Variants in PPP4R3B observed in about 807,000 individuals in gnomAD.
PPP4R3B encodes the protein serine/threonine-protein phosphatase 4 regulatory subunit 3B.
A neutral mutation model predicts 95.4 loss-of-function variants in PPP4R3B; 52 were observed. That is an observed-to-expected ratio of 0.54 (90% CI 0.44 to 0.69). The LOEUF (loss-of-function observed/expected upper bound fraction) is 0.69, where lower values mean the gene tolerates loss of function less well. Among genes scored for constraint, PPP4R3B ranks in the 30% least tolerant of loss-of-function variants. The probability of loss-of-function intolerance (pLI) is 0.00; values close to 1 mark genes in which losing one functional copy is unlikely to be tolerated. For missense variants in PPP4R3B, 1,003 were observed against 1,005.9 expected, an observed-to-expected ratio of 1.00 and a Z score of 0.04; for synonymous variants, 407 against 343.9, an observed-to-expected ratio of 1.18 and a Z score of -2.03.
At chr2:55,591,992 T>G (rs774763029) in intron 4 of PPP4R3B, among the ~76,000 whole-genome samples, 1 of 152,196 alleles carries the variant, frequency 6.6e-6, no homozygotes, top group Non-Finnish European at 1.5e-5. Context: ...AAAACCTATA[T>G]ATTTAAGTCA....
rs933951570 is a variant in PPP4R3B, at chr2:55,549,702, G to C, written c.*209C>G. 1 of 525,032 alleles carries C rather than the reference G, an allele frequency of 1.9e-6. No homozygotes were observed. The highest frequency in any genetic ancestry group is 2.0e-5 in the African/African-American group (1 of 50,244). 32.5% of individuals were successfully genotyped at this position (525,032 alleles called of 1,614,324 possible). A position where few individuals can be genotyped will look rare whatever the true frequency, so the allele number is the denominator to read the frequency against. ...TAATGTTTGTTTTGACAGCCTAAAA[G>C]GCAAACCCCTTAATTACTAGCAAGC... is the stretch of plus-strand genomic sequence containing the variant. On this transcript the variant is annotated 3_prime_UTR_variant, in exon 17 of 17. Coordinates refer to ENST00000616407, the MANE Select transcript of PPP4R3B (RefSeq NM_001122964.3).
intron 3 of PPP4R3B, among the ~76,000 whole-genome samples, chr2:55,600,412 G>C (rs2627780): frequency 0.51 from 59,370 of 117,220 alleles, 15,165 homozygotes; most frequent in Middle Eastern, 0.59. Flanking sequence ...GGCAACGAGA[G>C]TGAAACTCTG....
Position 55,564,318 on chromosome 2 carries a change from T to A in PPP4R3B, c.2255A>T (p.Lys752Ile), listed in dbSNP as rs1166099378. ...PDNYEKFMET[K>I]KAKESEDKEN... Reference sequence around the variant, plus strand: ...AAAATTCCGAATTTTAATACCTTTTTTAGTCTCCATAAACTTTTCATAATT... The same window carrying A: ...AAAATTCCGAATTTTAATACCTTTTATAGTCTCCATAAACTTTTCATAATT... The change falls in exon 15 of 17, where the codon AAA (lysine) becomes ATA (isoleucine). Residue 752 changes from lysine (K) to isoleucine (I), a missense_variant. By Grantham distance (102) the Lys-to-Ile change is moderately radical. Around this residue, in one of 3 missense-constraint regions of PPP4R3B, gnomAD observed 229 missense variants for 194.7 expected, o/e 1.18. Coordinates refer to ENST00000616407, the MANE Select transcript of PPP4R3B (RefSeq NM_001122964.3). 6.2e-7 allele frequency: 1 copy of A among 1,610,692 alleles called. No individual in the cohort carries two copies. The highest frequency in any genetic ancestry group is 1.3e-5 in the African/African-American group (1 of 74,608).
chr2:55,581,546 T>G lies in PPP4R3B; in HGVS notation c.1365+21A>C. 3 of 1,601,192 alleles carry G rather than the reference T, an allele frequency of 1.9e-6. No individual in the cohort carries two copies. In the South Asian group the frequency reaches 3.4e-5, roughly 18 times the overall value. On this transcript the variant is annotated intron_variant, in intron 8 of 16. Coordinates refer to ENST00000616407, the MANE Select transcript of PPP4R3B (RefSeq NM_001122964.3). ...AAAACTGACTAGGCCAAAACATTTT[T>G]ATCTCAGAGTAATTTCTTACATTAG...
At chr2:55,606,578 T>C (rs1693427185) in intron 2 of PPP4R3B, among the ~76,000 whole-genome samples, 1 of 151,878 alleles carries the variant, frequency 6.6e-6, no homozygotes, top group Admixed American at 6.6e-5. Context: ...TCCCAGCACT[T>C]TGGGAGGCCG....
intron 4 of PPP4R3B, among the ~76,000 whole-genome samples, chr2:55,594,968 T>C (rs1691561553): frequency 6.6e-6 from 1 of 151,582 alleles, no homozygotes; most frequent in Non-Finnish European, 1.5e-5. Flanking sequence ...TGAAGTCGAT[T>C]AGCTAGGCAC....
chr2:55,605,499 T>A (rs933007314), intron 2 of PPP4R3B, among the ~76,000 whole-genome samples: 3 of 152,176 alleles, frequency 2.0e-5, no homozygotes, highest in Admixed American at 1.3e-4. Context: ...TTCTGTGTAA[T>A]CAGGTAAAAA....
chr2:55,609,357 C>A (rs533226058), intron 2 of PPP4R3B, among the ~76,000 whole-genome samples: 1 of 152,124 alleles, frequency 6.6e-6, no homozygotes, highest in Non-Finnish European at 1.5e-5. Flanking sequence ...GAAAGTCTCA[C>A]CCTATCTCTA....
intron 2 of PPP4R3B, among the ~76,000 whole-genome samples, chr2:55,607,425 C>T (rs1429786737): frequency 6.6e-6 from 1 of 152,170 alleles, no homozygotes; most frequent in African/African-American, 2.4e-5. Context: ...TGACTCCCTC[C>T]TTGGATTTGA....
At chr2:55,597,993 G>A (rs541010222) in intron 4 of PPP4R3B, among the ~76,000 whole-genome samples, 5 of 152,052 alleles carry the variant, frequency 3.3e-5, no homozygotes, top group South Asian at 4.2e-4. Flanking sequence ...TGAGGCGGGC[G>A]GACTGCCTGA....
chr2:55,595,635 T>G (rs1007738902), intron 4 of PPP4R3B, among the ~76,000 whole-genome samples: 6 of 151,898 alleles, frequency 4.0e-5, no homozygotes, highest in Non-Finnish European at 8.8e-5. Flanking sequence ...CCTTTTACAT[T>G]TTTGCAAATC....
At chr2:55,554,465 CTA>C (rs1276091670) in intron 16 of PPP4R3B, among the ~76,000 whole-genome samples, 3 of 152,326 alleles carry the variant, frequency 2.0e-5, no homozygotes, top group African/African-American at 7.2e-5. Flanking sequence ...ATGTGAAATG[CTA>C]TCATATTGTG....
intron 2 of PPP4R3B, among the ~76,000 whole-genome samples, chr2:55,613,342 A>G (rs578034597): frequency 6.8e-6 from 1 of 147,842 alleles, no homozygotes; most frequent in South Asian, 2.1e-4. Context: ...ATACACCTGA[A>G]TGTTATGTTG....
intron 16 of PPP4R3B, among the ~76,000 whole-genome samples, chr2:55,555,007 G>A (rs1160048524): frequency 6.6e-6 from 1 of 152,122 alleles, no homozygotes; most frequent in Non-Finnish European, 1.5e-5. Flanking sequence ...GTGGCCGGGC[G>A]CGGTGGCTCA....
At chr2:55,608,350 C>A (rs748655884) in intron 2 of PPP4R3B, among the ~76,000 whole-genome samples, 4 of 152,148 alleles carry the variant, frequency 2.6e-5, no homozygotes, top group Non-Finnish European at 5.9e-5. Flanking sequence ...TGTCAAAATA[C>A]CAGAAACTAA....
chr2:55,607,697 G>A (rs182339222), intron 2 of PPP4R3B, among the ~76,000 whole-genome samples: 56 of 152,178 alleles, frequency 3.7e-4, no homozygotes, highest in Admixed American at 1.2e-3. Flanking sequence ...TAAATCACTG[G>A]CGACTGGTGA....
At chr2:55,605,792 G>C (rs1219500326) in intron 2 of PPP4R3B, among the ~76,000 whole-genome samples, 2 of 151,578 alleles carry the variant, frequency 1.3e-5, no homozygotes, top group African/African-American at 4.9e-5. Context: ...TATAGTCCCA[G>C]CTACTCAGTA....
At chr2:55,585,882 G>A (rs1442086868) in intron 6 of PPP4R3B, among the ~76,000 whole-genome samples, 4 of 152,076 alleles carry the variant, frequency 2.6e-5, no homozygotes, top group African/African-American at 9.7e-5. Flanking sequence ...AAATAACACT[G>A]AGCCTTTGTC....
chr2:55,600,941 G>C (rs118106433), intron 3 of PPP4R3B, among the ~76,000 whole-genome samples: 1 of 151,884 alleles, frequency 6.6e-6, no homozygotes, highest in Admixed American at 6.6e-5. Context: ...GGCAGATCAC[G>C]AGCTCAGGAG....
Sources: allele counts gnomAD v4.1 joint callset (sites outside exome capture counted in the v4.1 genomes callset), GRCh38; gene constraint gnomAD v4.1.1; regional missense constraint gnomAD v4.1.1; transcripts MANE v1.5; gene names NCBI Gene and HGNC (gene_info 2026-07-23, HGNC 2026-07-21).